CNTNAP4: variants seen among roughly 807,000 people sequenced by gnomAD.
The protein encoded by CNTNAP4 is contactin-associated protein-like 4.
CNTNAP4 carries 98 observed loss-of-function variants against 148.4 expected under a neutral mutation model. The ratio of observed to expected loss-of-function variants is 0.66; its 90% CI spans 0.56 to 0.78. The LOEUF (loss-of-function observed/expected upper bound fraction) is 0.78, where lower values mean the gene tolerates loss of function less well. Ranked by LOEUF, CNTNAP4 falls within the 30% of genes least tolerant of loss-of-function variation. CNTNAP4 has a pLI of 0.00. For missense variants in CNTNAP4, 1,935 were observed against 1,565.6 expected (o/e 1.24, Z -3.98); for synonymous variants, 730 against 565.1 (o/e 1.29, Z -4.14).
chr16:76,297,102 C>G (rs1959390959), intron 1 of CNTNAP4, among the ~76,000 whole-genome samples: 1 of 152,032 alleles, frequency 6.6e-6, no homozygotes, highest in Non-Finnish European at 1.5e-5. Flanking sequence ...ATCTCTTTTT[C>G]AAAAAGTGTT....
chr16:76,480,028 T>C (rs923375636), intron 12 of CNTNAP4, among the ~76,000 whole-genome samples: 3 of 152,164 alleles, frequency 2.0e-5, no homozygotes, highest in African/African-American at 7.2e-5. Context: ...CAGAAAACTT[T>C]ACAGCCTATA....
intron 3 of CNTNAP4, among the ~76,000 whole-genome samples, chr16:76,377,018 G>A (rs780599371): frequency 1.3e-4 from 19 of 151,520 alleles, no homozygotes; most frequent in African/African-American, 2.2e-4. Flanking sequence ...GAGTTGGCTC[G>A]TGCAATCGAC....
Position 76,505,319 on chromosome 16 carries a change from G to A in CNTNAP4, c.2365+6625G>A, listed in dbSNP as rs1417302462. On this transcript the variant is annotated intron_variant, in intron 15 of 23. Transcript: ENST00000611870. ...AATTAAAAAATAGACTATTGATAAC[G>A]TGCAACAACATAGATGAATCTCAAC... Among the ~76,000 whole-genome samples the A allele has an allele frequency of 1.3e-4, 6 of 45,544 alleles. 2 individuals are homozygous for A. Among genetic ancestry groups the A allele is most frequent in the Admixed American group, 5.1e-4 (2 of 3,890 alleles). The allele number at this position is 45,544 out of a possible 152,430, so 29.9% of individuals were successfully genotyped here.
At position 76,355,529 on chromosome 16, in the gene CNTNAP4, A is replaced by G; in HGVS notation, c.390+18A>G. 1 of 1,562,896 alleles carries G rather than the reference A, an allele frequency of 6.4e-7. No individual in the cohort carries two copies. Among genetic ancestry groups the G allele is most frequent in the Non-Finnish European group, 8.7e-7 (1 of 1,153,322 alleles). On this transcript the variant is annotated intron_variant, in intron 3 of 23. Transcript: ENST00000611870. Reference sequence around the variant, plus strand: ...GCATCTGGGTATGTTCTTTAACAAAAGACATAGTCTCTCGGGGAAAAAGTA... The same window carrying G: ...GCATCTGGGTATGTTCTTTAACAAAGGACATAGTCTCTCGGGGAAAAAGTA...
chr16:76,404,255 GAAAA>G (rs1032338690), intron 3 of CNTNAP4, among the ~76,000 whole-genome samples: 3 of 151,216 alleles, frequency 2.0e-5, no homozygotes, highest in South Asian at 2.1e-4. Context: ...AATGCACAAA[GAAAA>G]AAACTAAAGT....
intron 17 of CNTNAP4, among the ~76,000 whole-genome samples, chr16:76,522,691 CT>C (rs1568497102): frequency 0.13 from 3,651 of 27,744 alleles, 535 homozygotes; most frequent in Middle Eastern, 0.17. Context: ...TCTCTCCTTT[CT>C]TTTCTTTTCT....
intron 16 of CNTNAP4, among the ~76,000 whole-genome samples, chr16:76,521,710 T>G (rs934225640): frequency 2.0e-5 from 3 of 152,242 alleles, no homozygotes; most frequent in Non-Finnish European, 4.4e-5. Context: ...CAGTTATTTT[T>G]ACGTACAATG....
In CNTNAP4 at chr16:76,521,325, C is replaced by G. The variant is rs2144102592; in HGVS notation, c.2536+15C>G. ...AGAGCTTCGCTGTAAGTCTCCTTTT[C>G]CAGAGAAGTGTATGAGATTCTATCA... On this transcript the variant is annotated intron_variant, in intron 16 of 23. Coordinates refer to ENST00000611870, the MANE Select transcript of CNTNAP4 (RefSeq NM_033401.5). 2 of 1,588,020 alleles carry G rather than the reference C, an allele frequency of 1.3e-6. No individual in the cohort carries two copies.
At chr16:76,511,984 G>A (rs924899559) in intron 15 of CNTNAP4, among the ~76,000 whole-genome samples, 1 of 152,056 alleles carries the variant, frequency 6.6e-6, no homozygotes, top group Non-Finnish European at 1.5e-5. Flanking sequence ...GAAGAAGGTG[G>A]CATTTGAATA....
chr16:76,510,259 GTGAC>G (rs1373176678), intron 15 of CNTNAP4, among the ~76,000 whole-genome samples: 4 of 151,814 alleles, frequency 2.6e-5, no homozygotes, highest in African/African-American at 7.3e-5. Context: ...GTGATCTCTT[GTGAC>G]TGACTACTTT....
At chr16:76,368,256 A>G (rs2014389573) in intron 3 of CNTNAP4, among the ~76,000 whole-genome samples, 1 of 152,218 alleles carries the variant, frequency 6.6e-6, no homozygotes, top group Non-Finnish European at 1.5e-5. Flanking sequence ...CTATATTCCC[A>G]ATAATAATGA....
At chr16:76,417,654 A>G (rs72794990) in intron 3 of CNTNAP4, among the ~76,000 whole-genome samples, 349 of 151,780 alleles carry the variant, frequency 2.3e-3, no homozygotes, top group Non-Finnish European at 3.6e-3. Flanking sequence ...AGAATAAGAA[A>G]AATAAATGAT....
intron 3 of CNTNAP4, among the ~76,000 whole-genome samples, chr16:76,418,431 G>T (rs2079064380): frequency 6.8e-6 from 1 of 146,512 alleles, no homozygotes; most frequent in African/African-American, 2.5e-5. Flanking sequence ...AAGTTCTAGG[G>T]TACATGTGCA....
intron 4 of CNTNAP4, among the ~76,000 whole-genome samples, chr16:76,436,085 C>G (rs181306099): frequency 6.6e-6 from 1 of 152,030 alleles, no homozygotes. Context: ...ATAGAACAAA[C>G]AGGGGTGTTG....
chr16:76,507,193 C>G (rs565284082), intron 15 of CNTNAP4, among the ~76,000 whole-genome samples: 6 of 97,088 alleles, frequency 6.2e-5, no homozygotes, highest in African/African-American at 1.5e-4. Flanking sequence ...GGTATTCACC[C>G]CTTTAAGCAT....
chr16:76,409,529 A>G (rs553840191), intron 3 of CNTNAP4, among the ~76,000 whole-genome samples: 1 of 152,060 alleles, frequency 6.6e-6, no homozygotes, highest in African/African-American at 2.4e-5. Context: ...GCATGGTACT[A>G]TAATTACACT....
intron 2 of CNTNAP4, among the ~76,000 whole-genome samples, chr16:76,354,478 ATCC>A (rs1020453304): frequency 1.2e-4 from 19 of 152,082 alleles, no homozygotes; most frequent in African/African-American, 4.3e-4. Flanking sequence ...CTTTTCCCCC[ATCC>A]TCTTACCCAC....
rs766879561 is a variant in CNTNAP4, at chr16:76,462,008, G to C, written c.1386G>C (p.Lys462Asn). ...ATTCTGTCTCTTTATCTGCTAAAAA[G>C]AATCACTTGAGTGTGGCGGTGGACG... ...QWHSVSLSAK[K>N]NHLSVAVDGQ... Residue 462 changes from lysine (K) to asparagine (N), a missense_variant, in exon 9 of 24, where the codon AAG becomes AAC. Lys to Asn is a moderately conservative substitution (Grantham distance 94). Coordinates refer to ENST00000611870, the MANE Select transcript of CNTNAP4 (RefSeq NM_033401.5). 3.7e-6 allele frequency: 6 copies of C among 1,613,668 alleles called. No individual in the cohort carries two copies. Among genetic ancestry groups the C allele is most frequent in the Admixed American group, 3.3e-5 (2 of 60,000 alleles).
rs570701114 is a variant in CNTNAP4 at position 76,522,671 on chromosome 16, T to G, written c.2755+414T>G. Among the ~76,000 whole-genome samples, 17 of 98,282 alleles carry G rather than the reference T, an allele frequency of 1.7e-4. 2 individuals carry two copies. The highest frequency in any genetic ancestry group is 5.8e-4 in the African/African-American group (14 of 24,010). The allele number at this position is 98,282 out of a possible 152,430, so 64.5% of individuals were successfully genotyped here. A position where few individuals can be genotyped will look rare whatever the true frequency, so the allele number is the denominator to read the frequency against. On this transcript the variant is annotated intron_variant, in intron 17 of 23. Transcript: ENST00000611870. ...TTTTCTCTCTTTCTCTCTTTCCTTC[T>G]TTCTCTCTTTCTCTCCTTTCTTTTC...
Sources: allele counts gnomAD v4.1 joint callset (sites outside exome capture counted in the v4.1 genomes callset), GRCh38; gene constraint gnomAD v4.1.1; transcripts MANE v1.5; gene names NCBI Gene and HGNC (gene_info 2026-07-23, HGNC 2026-07-21).